Variants in RTN3 observed in about 807,000 individuals in gnomAD.
The protein encoded by RTN3 is reticulon-3.
A neutral mutation model predicts 77.8 loss-of-function variants in RTN3; 49 were observed. The observed-to-expected ratio is 0.63, with a 90% CI of 0.50 to 0.80. The LOEUF (loss-of-function observed/expected upper bound fraction) is 0.80, where lower values mean the gene tolerates loss of function less well. Among genes scored for constraint, RTN3 ranks in the 30% least tolerant of loss-of-function variants. RTN3 has a pLI of 0.00. For missense variants in RTN3, 1,236 were observed against 1,211.9 expected, an observed-to-expected ratio of 1.02 and a Z score of -0.29; for synonymous variants, 464 against 446.9, an observed-to-expected ratio of 1.04 and a Z score of -0.48.
Position 63,704,872 on chromosome 11 carries a change from C to T in RTN3, c.164C>T (p.Ser55Phe). The change falls in exon 2 of 9, where the codon TCC (serine) becomes TTC (phenylalanine). Residue 55 changes from serine to phenylalanine, a missense_variant. Coordinates refer to ENST00000377819, the MANE Select transcript of RTN3 (RefSeq NM_001265589.2). ...TCAGATTCCTTTGTTTCTTCCTCTTCCTCTCAGCCTGTATCTCTATTTTCG... is the reference window on the plus strand; with the variant it reads ...TCAGATTCCTTTGTTTCTTCCTCTTTCTCTCAGCCTGTATCTCTATTTTCG... ...SCADSFVSSSSSQPVSLFSTS... is the reference protein window; with the variant it reads ...SCADSFVSSSFSQPVSLFSTS... 6.2e-7 allele frequency: 1 copy of T among 1,612,026 alleles called. No individual in the cohort carries two copies. Among genetic ancestry groups the T allele is most frequent in the Admixed American group, 1.7e-5 (1 of 60,008 alleles).
At chr11:63,682,845 A>G (rs897650973) in intron 1 of RTN3, among the ~76,000 whole-genome samples, 1 of 152,294 alleles carries the variant, frequency 6.6e-6, no homozygotes, top group South Asian at 2.1e-4. Context: ...AAGGGGGGAA[A>G]AAAAAACCAC....
In RTN3 at chr11:63,754,107, T is replaced by A. The variant is rs560610; in HGVS notation, c.2994+399T>A. Among the ~76,000 whole-genome samples the A allele has an allele frequency of 6.6e-3, 1,002 of 152,020 alleles. 11 individuals carry two copies. Among genetic ancestry groups the A allele is most frequent in the African/African-American group, 0.023 (948 of 41,478 alleles). On this transcript the variant is annotated intron_variant, in intron 7 of 8. Transcript: ENST00000377819. Reference sequence around the variant, plus strand: ...GAGCTCAAGACCAGCCTGGGCAACCTGGCAAAACCTTGTCTCTAAAAAAAA... The same window carrying A: ...GAGCTCAAGACCAGCCTGGGCAACCAGGCAAAACCTTGTCTCTAAAAAAAA...
rs1281628472 is a variant in RTN3 at position 63,720,023 on chromosome 11, C to T, written c.1521C>T (p.Asp507=). The change falls in exon 3 of 9, where the codon GAC becomes GAT. Residue 507 remains aspartate, a synonymous_variant. Coordinates refer to ENST00000377819, the MANE Select transcript of RTN3 (RefSeq NM_001265589.2). ...SGESDDTVIE[D]ITADTSFENN... Reference sequence around the variant, plus strand: ...AGTCTGATGACACAGTAATAGAGGACATCACAGCAGATACATCATTTGAAA... The same window carrying T: ...AGTCTGATGACACAGTAATAGAGGATATCACAGCAGATACATCATTTGAAA... 6.2e-7 allele frequency: 1 copy of T among 1,614,092 alleles called. No individual in the cohort carries two copies. The highest frequency in any genetic ancestry group is 1.7e-5 in the Admixed American group (1 of 60,002).
chr11:63,697,881 C>G (rs1247738488), intron 1 of RTN3, among the ~76,000 whole-genome samples: 1 of 152,010 alleles, frequency 6.6e-6, no homozygotes, highest in Non-Finnish European at 1.5e-5. Flanking sequence ...TTCATTGGCT[C>G]CTTTCTGTCT....
chr11:63,745,241 A>G (rs148243130), intron 3 of RTN3, among the ~76,000 whole-genome samples: 1 of 152,302 alleles, frequency 6.6e-6, no homozygotes, highest in East Asian at 1.9e-4. Context: ...TCTGTGGTCA[A>G]TAGAGTCATG....
At chr11:63,690,746 GT>G (rs1322528427) in intron 1 of RTN3, among the ~76,000 whole-genome samples, 2 of 152,152 alleles carry the variant, frequency 1.3e-5, no homozygotes, top group African/African-American at 4.8e-5. Flanking sequence ...TTTCCACATT[GT>G]TAAATTCAGT....
Position 63,745,782 on chromosome 11 carries a change from G to T in RTN3, c.2531-4209G>T, listed in dbSNP as rs560167330. ...GTTTTCCAGCAGATGGCAGTAACAC[G>T]CATGAAGACAGGGTGACTTTTTCTA... On this transcript the variant is annotated intron_variant, in intron 3 of 8. Coordinates refer to ENST00000377819, the MANE Select transcript of RTN3 (RefSeq NM_001265589.2). Among the ~76,000 whole-genome samples the T allele has an allele frequency of 7.2e-5, 11 of 152,270 alleles. No individual in the cohort carries two copies. In the South Asian group the frequency reaches 1.5e-3, roughly 20 times the overall value.
chr11:63,726,261 A>G (rs2012254662), intron 3 of RTN3, among the ~76,000 whole-genome samples: 1 of 152,244 alleles, frequency 6.6e-6, no homozygotes, highest in Non-Finnish European at 1.5e-5. Flanking sequence ...AAGAGAGTTG[A>G]CACATGTAAG....
At position 63,710,008 on chromosome 11, in the gene RTN3, T is replaced by C. The variant is rs373361293; in HGVS notation, c.199+5101T>C. On this transcript the variant is annotated intron_variant, in intron 2 of 8. Coordinates refer to ENST00000377819, the MANE Select transcript of RTN3 (RefSeq NM_001265589.2). Reference sequence around the variant, plus strand: ...TCTTTTTAGGAAGAACTCTTTGATATAGGATATAACATTCCTTATTCCTTA... The same window carrying C: ...TCTTTTTAGGAAGAACTCTTTGATACAGGATATAACATTCCTTATTCCTTA... Among the ~76,000 whole-genome samples, 12 of 152,362 alleles carry C rather than the reference T, an allele frequency of 7.9e-5. No individual in the cohort carries two copies. In the East Asian group the frequency reaches 1.7e-3, roughly 22 times the overall value.
Position 63,719,916 on chromosome 11 carries a change from T to A in RTN3, c.1414T>A (p.Leu472Ile), listed in dbSNP as rs1428799648. 1.2e-6 allele frequency: 2 copies of A among 1,614,098 alleles called. No homozygotes were observed. The highest frequency in any genetic ancestry group is 3.3e-5 in the Admixed American group (2 of 60,004). Residue 472 changes from leucine (L) to isoleucine (I), a missense_variant, in exon 3 of 9, where the codon TTA (leucine) becomes ATA (isoleucine). By Grantham distance (5) the Leu-to-Ile change is conservative. Coordinates refer to ENST00000377819, the MANE Select transcript of RTN3 (RefSeq NM_001265589.2). The stretch of plus-strand genomic sequence containing the variant: ...TGGAGTGGCCACAGTGAAAGTGGTT[T>A]TACCTGATGACCACCTGAAAGATGA... ...GSGVATVKVV[L>I]PDDHLKDEMD... is the part of the protein sequence containing the mutation.
intron 3 of RTN3, among the ~76,000 whole-genome samples, chr11:63,733,597 C>A (rs577611336): frequency 6.6e-6 from 1 of 151,936 alleles, no homozygotes; most frequent in Non-Finnish European, 1.5e-5. Flanking sequence ...TGGCTGAGTG[C>A]AGTGGCTCAT....
Position 63,699,305 on chromosome 11 carries a change from C to CA in RTN3, c.143-5532dup, listed in dbSNP as rs111283974. Among the ~76,000 whole-genome samples, 523 of 127,494 alleles carry CA rather than the reference C, an allele frequency of 4.1e-3. 1 individual carries two copies. Among genetic ancestry groups the CA allele is most frequent in the Middle Eastern group, 0.012 (3 of 256 alleles). 83.6% of individuals were successfully genotyped at this position (127,494 alleles called of 152,430 possible). ...GGGCGACAGAGCTGAGACTCCTTCT[C>CA]AAAAAAAAAAAAAAGAATTCCTTCT... On this transcript the variant is annotated intron_variant, in intron 1 of 8. Coordinates refer to ENST00000377819, the MANE Select transcript of RTN3 (RefSeq NM_001265589.2).
chr11:63,719,831 G>A lies in RTN3; in HGVS notation c.1329G>A (p.Gln443=). 2 of 1,614,138 alleles carry A rather than the reference G, an allele frequency of 1.2e-6. No individual in the cohort carries two copies. Among genetic ancestry groups the A allele is most frequent in the African/African-American group, 1.3e-5 (1 of 75,018 alleles). Residue 443 remains glutamine (Q), a synonymous_variant, in exon 3 of 9, where the codon CAG becomes CAA. Coordinates refer to ENST00000377819, the MANE Select transcript of RTN3 (RefSeq NM_001265589.2). ...GTGTGCAAGGCAATATGCAGAAACA[G>A]GATGACACACTTGCAGAATTACCTG... ...IKGVQGNMQK[Q]DDTLAELPGS... is the part of the protein sequence containing the mutation.
At chr11:63,723,673 T>C (rs2011994030) in intron 3 of RTN3, among the ~76,000 whole-genome samples, 1 of 152,124 alleles carries the variant, frequency 6.6e-6, no homozygotes, top group Non-Finnish European at 1.5e-5. Flanking sequence ...GTGATCCGCC[T>C]GCGTTGGCCT....
At chr11:63,731,798 G>T (rs531704270) in intron 3 of RTN3, among the ~76,000 whole-genome samples, 1 of 151,980 alleles carries the variant, frequency 6.6e-6, no homozygotes, top group Non-Finnish European at 1.5e-5. Context: ...GATTACAGGC[G>T]TGCGCCACTA....
intron 1 of RTN3, among the ~76,000 whole-genome samples, chr11:63,696,563 G>A (rs1433653075): frequency 3.0e-5 from 1 of 33,594 alleles, no homozygotes; most frequent in African/African-American, 9.6e-5. Context: ...TTTTTTTTTT[G>A]GAGACGGAGT....
Position 63,719,948 on chromosome 11 carries a change from C to T in RTN3, c.1446C>T (p.Asp482=). The T allele has an allele frequency of 6.2e-7, 1 of 1,614,132 alleles. No individual in the cohort carries two copies. The highest frequency in any genetic ancestry group is 8.5e-7 in the Non-Finnish European group (1 of 1,180,016). Residue 482 remains aspartate (D), a synonymous_variant, in exon 3 of 9, where the codon GAC becomes GAT. Coordinates refer to ENST00000377819, the MANE Select transcript of RTN3 (RefSeq NM_001265589.2). The part of the protein sequence containing the change: ...LPDDHLKDEM[D]WQSSALGEIT... ...ATGACCACCTGAAAGATGAAATGGA[C>T]TGGCAGAGCTCTGCATTGGGAGAAA...
chr11:63,707,236 C>G (rs1942539689), intron 2 of RTN3, among the ~76,000 whole-genome samples: 2 of 151,616 alleles, frequency 1.3e-5, no homozygotes, highest in Admixed American at 6.6e-5. Flanking sequence ...ATAGTTGATA[C>G]TCTAAACGGT....
intron 2 of RTN3, among the ~76,000 whole-genome samples, chr11:63,706,901 CT>C (rs535955895): frequency 0.14 from 19,188 of 139,456 alleles, 1,203 homozygotes; most frequent in South Asian, 0.16. Context: ...TTTCTTTTTT[CT>C]TTTTTTTTTT....
Sources: allele counts gnomAD v4.1 joint callset (sites outside exome capture counted in the v4.1 genomes callset), GRCh38; gene constraint gnomAD v4.1.1; transcripts MANE v1.5; gene names NCBI Gene and HGNC (gene_info 2026-07-23, HGNC 2026-07-21).